The following RREB1 variants were observed in gnomAD, a reference collection of about 807,000 sequenced individuals.
The protein encoded by RREB1 is ras-responsive element-binding protein 1.
RREB1 carries 27 observed loss-of-function variants against 117.8 expected under a neutral mutation model. The observed-to-expected ratio is 0.23, with a 90% confidence interval of 0.17 to 0.32. The LOEUF is 0.32. Ranked by LOEUF, RREB1 falls within the 10% of genes least tolerant of loss-of-function variation. The pLI, the probability that RREB1 is intolerant of heterozygous loss-of-function variation, is 1.00. For missense variants in RREB1, 2,577 were observed against 2,378.2 expected, an observed-to-expected ratio of 1.08 and a Z score of -1.74; for synonymous variants, 1,298 against 1,026.7, an observed-to-expected ratio of 1.26 and a Z score of -5.05.
intron 1 of RREB1, among the ~76,000 whole-genome samples, chr6:7,127,127 G>C (rs577930884): frequency 1.3e-5 from 2 of 152,014 alleles, no homozygotes; most frequent in South Asian, 2.1e-4. Flanking sequence ...GGGCTTAGGC[G>C]TGTTGTATTG....
intron 6 of RREB1, among the ~76,000 whole-genome samples, chr6:7,209,686 C>A (rs1177598456): frequency 1.3e-5 from 2 of 151,360 alleles, no homozygotes; most frequent in Non-Finnish European, 2.9e-5. Context: ...TACCGTGCCA[C>A]TGCACTCCAG....
At chr6:7,130,154 C>T (rs1762091047) in intron 1 of RREB1, among the ~76,000 whole-genome samples, 1 of 152,208 alleles carries the variant, frequency 6.6e-6, no homozygotes, top group African/African-American at 2.4e-5. Context: ...CCTTCACCTG[C>T]CCTCACTGGG....
chr6:7,195,136 A>T (rs1471121414), intron 6 of RREB1, among the ~76,000 whole-genome samples: 5 of 152,186 alleles, frequency 3.3e-5, no homozygotes, highest in Non-Finnish European at 5.9e-5. Context: ...AATTGAGTAA[A>T]TTGAGAGTGA....
chr6:7,242,713 A>AGGGGGG (rs1398863316), intron 11 of RREB1, among the ~76,000 whole-genome samples: 1 of 140,312 alleles, frequency 7.1e-6, no homozygotes, highest in African/African-American at 2.8e-5. Context: ...GGGGGGGGGA[A>AGGGGGG]GGAAATGACC....
chr6:7,122,334 C>T (rs977071080), intron 1 of RREB1, among the ~76,000 whole-genome samples: 2 of 152,180 alleles, frequency 1.3e-5, no homozygotes, highest in East Asian at 1.9e-4. Context: ...GTTGTGATCA[C>T]GGCTCACTGC....
At position 7,153,875 on chromosome 6, in the gene RREB1, C is replaced by T. The variant is rs77099335; in HGVS notation, c.-284-22780C>T. On this transcript the variant is annotated intron_variant, in intron 1 of 12. Transcript: ENST00000379938. ...CCCTTACAAGTGGTAACCCAGGGAT[C>T]CAGGCTGCTCTTGTCTTATAGCTAC... 5.3e-3 allele frequency among the ~76,000 whole-genome samples: 811 copies of T among 152,304 alleles called. 11 individuals carry two copies. The highest frequency in any genetic ancestry group is 0.019 in the African/African-American group (771 of 41,568).
chr6:7,222,717 C>G (rs1767335298), intron 8 of RREB1, among the ~76,000 whole-genome samples: 1 of 151,910 alleles, frequency 6.6e-6, no homozygotes, highest in Admixed American at 6.5e-5. Flanking sequence ...GCCCTAGTTA[C>G]TAGGGAGGCT....
At chr6:7,182,433 A>G (rs752116094) in intron 4 of RREB1, among the ~76,000 whole-genome samples, 106 of 152,180 alleles carry the variant, frequency 7.0e-4, no homozygotes, top group Non-Finnish European at 1.1e-3. Flanking sequence ...ATTTTTAAGT[A>G]TCTTCAGATT....
chr6:7,139,617 T>C (rs1263930918), intron 1 of RREB1, among the ~76,000 whole-genome samples: 1 of 152,224 alleles, frequency 6.6e-6, no homozygotes, highest in Non-Finnish European at 1.5e-5. Flanking sequence ...GAATTGGTTA[T>C]TGATCAGGTA....
chr6:7,184,410 T>C (rs1030347892), intron 4 of RREB1: 12 of 151,550 alleles, frequency 7.9e-5, no homozygotes, highest in African/African-American at 2.9e-4. Flanking sequence ...ATCTGGCTTT[T>C]TTTTTTTTTA....
At chr6:7,172,801 G>A (rs1764288283) in intron 1 of RREB1, among the ~76,000 whole-genome samples, 1 of 152,160 alleles carries the variant, frequency 6.6e-6, no homozygotes, top group African/African-American at 2.4e-5. Context: ...CATCACAGCT[G>A]TCTCAGCCCT....
At chr6:7,174,908 CTATTTATT>C (rs554718831) in intron 1 of RREB1, among the ~76,000 whole-genome samples, 3 of 151,880 alleles carry the variant, frequency 2.0e-5, no homozygotes, top group Non-Finnish European at 4.4e-5. Flanking sequence ...CGCGCCTGGC[CTATTTATT>C]TATTTATTTA....
chr6:7,156,033 A>G (rs1190702484), intron 1 of RREB1, among the ~76,000 whole-genome samples: 1 of 152,226 alleles, frequency 6.6e-6, no homozygotes, highest in Non-Finnish European at 1.5e-5. Flanking sequence ...TAAGCTTTGT[A>G]TAACTCACAA....
intron 1 of RREB1, among the ~76,000 whole-genome samples, chr6:7,157,416 A>G (rs1326346417): frequency 6.6e-6 from 1 of 151,058 alleles, no homozygotes; most frequent in Non-Finnish European, 1.5e-5. Flanking sequence ...CCTGGGCAAC[A>G]GAGTAAGACT....
At chr6:7,135,329 G>A (rs1023506309) in intron 1 of RREB1, among the ~76,000 whole-genome samples, 2 of 152,208 alleles carry the variant, frequency 1.3e-5, no homozygotes, top group African/African-American at 4.8e-5. Context: ...CTATTGGAAA[G>A]TACCATATAA....
At position 7,231,338 on chromosome 6, in the gene RREB1, C is replaced by G. The variant is rs760374657; in HGVS notation, c.3239C>G (p.Thr1080Ser). 1.2e-6 allele frequency: 2 copies of G among 1,611,892 alleles called. No individual in the cohort carries two copies. The highest frequency in any genetic ancestry group is 3.3e-5 in the Admixed American group (2 of 59,920). The change falls in exon 10 of 13, where the codon ACC becomes AGC. Residue 1080 changes from threonine to serine, a missense_variant. Coordinates refer to ENST00000379938, the MANE Select transcript of RREB1 (RefSeq NM_001003699.4). ...QIISSVSSAP[T>S]LLKTKVADPG... is the part of the protein sequence containing the mutation. ...ATCTCATCTGTATCCTCGGCCCCCACCCTGCTGAAAACCAAGGTGGCGGAC... is the reference window on the plus strand; with the variant it reads ...ATCTCATCTGTATCCTCGGCCCCCAGCCTGCTGAAAACCAAGGTGGCGGAC...
At position 7,230,626 on chromosome 6, in the gene RREB1, G is replaced by A. The variant is rs771540541; in HGVS notation, c.2527G>A (p.Gly843Arg). ...AGAGGCGCCGGCCGCTGAGGCGTCGGGGCGCGGGGAGGACAGTGGCTGCGC... is the reference window on the plus strand; with the variant it reads ...AGAGGCGCCGGCCGCTGAGGCGTCGAGGCGCGGGGAGGACAGTGGCTGCGC... ...PAEAPAAEAS[G>R]RGEDSGCAAL... Residue 843 changes from glycine (G) to arginine (R), a missense_variant, in exon 10 of 13, where the codon GGG (glycine) becomes AGG (arginine). Gly to Arg is a moderately radical substitution (Grantham distance 125). Transcript: ENST00000379938. 5 of 1,604,484 alleles carry A rather than the reference G, an allele frequency of 3.1e-6. No homozygotes were observed. Among genetic ancestry groups the A allele is most frequent in the Middle Eastern group, 1.7e-4 (1 of 6,038 alleles).
chr6:7,243,498 G>A (rs1049186285), intron 11 of RREB1, among the ~76,000 whole-genome samples: 4 of 152,214 alleles, frequency 2.6e-5, no homozygotes, highest in African/African-American at 4.8e-5. Flanking sequence ...CTGCATTTGG[G>A]AGTCTGGGTG....
intron 1 of RREB1, among the ~76,000 whole-genome samples, chr6:7,122,108 TATC>T (rs998072194): frequency 5.3e-5 from 8 of 152,202 alleles, no homozygotes; most frequent in African/African-American, 1.7e-4. Flanking sequence ...TTTTCTCTAA[TATC>T]ATCCGAATAA....
Sources: gnomAD v4.1 joint callset for allele counts (sites outside exome capture counted in the v4.1 genomes callset) on GRCh38, gnomAD v4.1.1 for gene constraint, MANE v1.5 for transcripts, NCBI Gene and HGNC (gene_info 2026-07-23, HGNC 2026-07-21) for gene names.